The following ANO10 variants were observed in gnomAD, a reference collection of about 807,000 sequenced individuals.
The protein encoded by ANO10 is anoctamin-10.
ANO10 carries 77 observed loss-of-function variants against 74.7 expected under a neutral mutation model. The observed-to-expected ratio is 1.03, with a 90% CI of 0.86 to 1.25. The LOEUF (loss-of-function observed/expected upper bound fraction) is 1.25, where lower values mean the gene tolerates loss of function less well. Ranked by LOEUF, ANO10 falls within the 50% of genes most tolerant of loss-of-function variation. The pLI, the probability that ANO10 is intolerant of heterozygous loss-of-function variation, is 0.00. For missense variants in ANO10, 721 were observed against 778.1 expected (o/e 0.93, Z 0.87); for synonymous variants, 279 against 284.9 (o/e 0.98, Z 0.21).
chr3:43,555,456 T>C lies in ANO10; in HGVS notation c.1490A>G (p.Asp497Gly). The C allele has an allele frequency of 6.2e-7, 1 of 1,614,090 alleles. No homozygotes were observed. The highest frequency in any genetic ancestry group is 8.5e-7 in the Non-Finnish European group (1 of 1,180,016). Reference sequence around the variant, plus strand: ...AAACTGCAGGAATAACTCCAAGTAATCATCAAAGGTGCCCTGAAAATATAA... The same window carrying C: ...AAACTGCAGGAATAACTCCAAGTAACCATCAAAGGTGCCCTGAAAATATAA... ...EMGTYLGTFDDYLELFLQFGY... is the reference protein window; with the variant it reads ...EMGTYLGTFDGYLELFLQFGY... The change falls in exon 10 of 13, where the codon GAT becomes GGT. Residue 497 changes from aspartate to glycine, a missense_variant. Asp to Gly is a moderately conservative substitution (Grantham distance 94). Coordinates refer to ENST00000292246, the MANE Select transcript of ANO10 (RefSeq NM_018075.5).
chr3:43,535,134 C>T (rs762225671), intron 11 of ANO10, among the ~76,000 whole-genome samples: 3 of 151,852 alleles, frequency 2.0e-5, no homozygotes, highest in Non-Finnish European at 4.4e-5. Context: ...CCACCACACC[C>T]GGCTAATTTT....
At chr3:43,679,808 C>A (rs1300748097) in intron 1 of ANO10, among the ~76,000 whole-genome samples, 1 of 152,224 alleles carries the variant, frequency 6.6e-6, no homozygotes, top group African/African-American at 2.4e-5. Flanking sequence ...GCAGCCTCCA[C>A]TGGTGATACC....
At chr3:43,649,862 G>A (rs1252553674) in intron 1 of ANO10, among the ~76,000 whole-genome samples, 1 of 152,200 alleles carries the variant, frequency 6.6e-6, no homozygotes, top group Non-Finnish European at 1.5e-5. Flanking sequence ...CTTATGGGAT[G>A]GGGAGCATGC....
chr3:43,679,697 G>A (rs998201824), intron 1 of ANO10, among the ~76,000 whole-genome samples: 3 of 152,292 alleles, frequency 2.0e-5, no homozygotes, highest in South Asian at 2.1e-4. Flanking sequence ...CCCCAGTAGG[G>A]GCAGACTGTC....
intron 12 of ANO10, among the ~76,000 whole-genome samples, chr3:43,390,172 G>C (rs2092239075): frequency 1.3e-5 from 2 of 152,228 alleles, no homozygotes; most frequent in East Asian, 3.9e-4. Flanking sequence ...CCCTGGGAGA[G>C]TGTGGGAGAC....
chr3:43,457,394 C>G (rs2075177151), intron 11 of ANO10, among the ~76,000 whole-genome samples: 1 of 152,162 alleles, frequency 6.6e-6, no homozygotes, highest in Admixed American at 6.5e-5. Flanking sequence ...CCTCAGGAAA[C>G]TTACAATCGT....
rs184921401 is a variant in ANO10 at position 43,425,535 on chromosome 3, T to A, written c.1914+7076A>T. 7.2e-4 allele frequency among the ~76,000 whole-genome samples: 109 copies of A among 152,226 alleles called. 2 individuals carry two copies. The highest frequency in any genetic ancestry group is 2.2e-3 in the African/African-American group (91 of 41,544). ...CCTGGGCCAAAGGGACCTCAGAGAA[T>A]CCTGGAAAGCTGAATTCTCAGCCAT... On this transcript the variant is annotated intron_variant, in intron 12 of 12. Transcript: ENST00000292246.
At chr3:43,476,027 G>A (rs75962789) in intron 11 of ANO10, among the ~76,000 whole-genome samples, 12,885 of 152,042 alleles carry the variant, frequency 0.085, 822 homozygotes, top group African/African-American at 0.17. Flanking sequence ...CTTCAAAAAT[G>A]TCCATGGCCA....
intron 11 of ANO10, among the ~76,000 whole-genome samples, chr3:43,488,164 C>T (rs1222180703): frequency 3.3e-5 from 5 of 149,324 alleles, no homozygotes; most frequent in East Asian, 2.0e-4. Context: ...ATACAAAAAT[C>T]AATTCAAGAT....
chr3:43,615,734 ACCTCCG>A (rs1406328998), intron 1 of ANO10, among the ~76,000 whole-genome samples: 1 of 151,738 alleles, frequency 6.6e-6, no homozygotes, highest in Non-Finnish European at 1.5e-5. Flanking sequence ...GCTCACTGCA[ACCTCCG>A]CCTCCTGGGT....
At chr3:43,485,249 G>C (rs1472781829) in intron 11 of ANO10, 2 of 635,200 alleles carry the variant, frequency 3.1e-6, no homozygotes, top group Non-Finnish European at 5.7e-6. Flanking sequence ...CATAGTGAGA[G>C]GCAGGACTAG....
At chr3:43,483,547 G>A (rs1331959978) in intron 11 of ANO10, among the ~76,000 whole-genome samples, 3 of 152,254 alleles carry the variant, frequency 2.0e-5, no homozygotes, top group African/African-American at 4.8e-5. Flanking sequence ...CAAAAGATTC[G>A]TAAGTCAACA....
At chr3:43,500,084 T>C (rs2077047237) in intron 11 of ANO10, among the ~76,000 whole-genome samples, 1 of 152,134 alleles carries the variant, frequency 6.6e-6, no homozygotes, top group Admixed American at 6.5e-5. Flanking sequence ...TGACCACAGG[T>C]GATCCACCTG....
At chr3:43,509,949 G>A (rs2077448009) in intron 11 of ANO10, among the ~76,000 whole-genome samples, 1 of 152,056 alleles carries the variant, frequency 6.6e-6, no homozygotes, top group Non-Finnish European at 1.5e-5. Flanking sequence ...AACCCCAAAA[G>A]GTTATACACT....
chr3:43,589,052 T>A (rs940366966), intron 4 of ANO10, among the ~76,000 whole-genome samples: 1 of 152,122 alleles, frequency 6.6e-6, no homozygotes, highest in Non-Finnish European at 1.5e-5. Flanking sequence ...ATCTAAGTAC[T>A]CATGTCATAT....
chr3:43,499,505 A>C (rs1292987891), intron 11 of ANO10, among the ~76,000 whole-genome samples: 1 of 152,148 alleles, frequency 6.6e-6, no homozygotes, highest in Non-Finnish European at 1.5e-5. Flanking sequence ...TGCAAGGCAC[A>C]GAAGCCAGGA....
chr3:43,645,732 G>T (rs1000676310), intron 1 of ANO10, among the ~76,000 whole-genome samples: 1 of 152,148 alleles, frequency 6.6e-6, no homozygotes, highest in Non-Finnish European at 1.5e-5. Context: ...TATTTCCTGG[G>T]CACATTTATT....
intron 1 of ANO10, among the ~76,000 whole-genome samples, chr3:43,614,771 C>CTA (rs61084802): frequency 0.12 from 6,134 of 52,504 alleles, 542 homozygotes; most frequent in Non-Finnish European, 0.17. Context: ...GAAAACTAAA[C>CTA]TATATATATA....
intron 11 of ANO10, among the ~76,000 whole-genome samples, chr3:43,470,933 T>C (rs928444104): frequency 8.5e-5 from 13 of 152,158 alleles, no homozygotes; most frequent in Admixed American, 8.5e-4. Flanking sequence ...GGCCAATATA[T>C]GGTAATTCTA....
Sources: gnomAD v4.1 joint callset for allele counts (sites outside exome capture counted in the v4.1 genomes callset) on GRCh38, gnomAD v4.1.1 for gene constraint, MANE v1.5 for transcripts, NCBI Gene and HGNC (gene_info 2026-07-23, HGNC 2026-07-21) for gene names.